Variants in STEAP3 observed in about 807,000 individuals in gnomAD.
STEAP3 encodes metalloreductase STEAP3.
A neutral mutation model predicts 34.9 loss-of-function variants in STEAP3; 35 were observed. The observed-to-expected ratio is 1.00, with a 90% CI of 0.76 to 1.33. The LOEUF is 1.33. STEAP3 is among the 40% of genes most tolerant of loss of function. The pLI is 0.00. For synonymous variants in STEAP3, 281 were observed against 301.6 expected, an observed-to-expected ratio of 0.93 and a Z score of 0.71; for missense variants, 652 against 667.6, an observed-to-expected ratio of 0.98 and a Z score of 0.26.
Position 119,263,509 on chromosome 2 carries a change from A to G in STEAP3, c.*171A>G. 1.2e-6 allele frequency: 1 copy of G among 805,094 alleles called. No homozygotes were observed. Among genetic ancestry groups the G allele is most frequent in the Admixed American group, 2.2e-5 (1 of 45,970 alleles). The allele number at this position is 805,094 out of a possible 1,614,324, so 49.9% of individuals were successfully genotyped here. A position where few individuals can be genotyped will look rare whatever the true frequency, so the allele number is the denominator to read the frequency against. Reference sequence around the variant, plus strand: ...CAGTACTATTCAGAATGATATACACACATATGTGTATATGTATTTACATAT... The same window carrying G: ...CAGTACTATTCAGAATGATATACACGCATATGTGTATATGTATTTACATAT... On this transcript the variant is annotated 3_prime_UTR_variant, in exon 6 of 6. Coordinates refer to ENST00000393110, the MANE Select transcript of STEAP3 (RefSeq NM_182915.3).
chr2:119,228,317 G>T (rs537077800), intron 1 of STEAP3, among the ~76,000 whole-genome samples: 1 of 152,178 alleles, frequency 6.6e-6, no homozygotes, highest in Non-Finnish European at 1.5e-5. Context: ...CTCCAGGTGA[G>T]GTCTGGCCTG....
At position 119,245,964 on chromosome 2, in the gene STEAP3, T is replaced by A. The variant is rs1483158602; in HGVS notation, c.498T>A (p.Ala166=). The A allele has an allele frequency of 6.2e-7, 1 of 1,613,280 alleles. No homozygotes were observed. The highest frequency in any genetic ancestry group is 8.5e-7 in the Non-Finnish European group (1 of 1,179,804). The change falls in exon 3 of 6, where the codon GCT becomes GCA. Residue 166 remains alanine (A), a synonymous_variant. Coordinates refer to ENST00000393110, the MANE Select transcript of STEAP3 (RefSeq NM_182915.3). Reference sequence around the variant, plus strand: ...TCATCTCTGCCTGGACCCTGCAGGCTGGCCCAAGGGATGGTAACAGGCAGG... The same window carrying A: ...TCATCTCTGCCTGGACCCTGCAGGCAGGCCCAAGGGATGGTAACAGGCAGG... ...FNVISAWTLQ[A]GPRDGNRQVP... is the part of the protein sequence containing the mutation.
chr2:119,259,520 T>C (rs1573582503), intron 5 of STEAP3, among the ~76,000 whole-genome samples: 1 of 152,238 alleles, frequency 6.6e-6, no homozygotes, highest in Non-Finnish European at 1.5e-5. Flanking sequence ...TCCTGCTGTC[T>C]GCACCATGGG....
At chr2:119,248,908 C>G (rs1051951863) in intron 4 of STEAP3, 2 of 152,788 alleles carry the variant, frequency 1.3e-5, no homozygotes, top group Non-Finnish European at 2.9e-5. Context: ...GCGAGGAAGC[C>G]GTGCATATGC....
At chr2:119,258,206 C>T (rs897639927) in intron 5 of STEAP3, among the ~76,000 whole-genome samples, 2 of 152,136 alleles carry the variant, frequency 1.3e-5, no homozygotes, top group Non-Finnish European at 2.9e-5. Context: ...TGTTTTTTAA[C>T]ATGCGAATGC....
Position 119,248,062 on chromosome 2 carries a change from C to T in STEAP3, c.906C>T (p.Pro302=), listed in dbSNP as rs368298756. The change falls in exon 4 of 6, where the codon CCC becomes CCT. Residue 302 remains proline (P), a synonymous_variant. Coordinates refer to ENST00000393110, the MANE Select transcript of STEAP3 (RefSeq NM_182915.3). ...LRRGTKYQRF[P]DWLDHWLQHR... ...GCGGCACCAAGTACCAGCGCTTCCC[C>T]GACTGGCTGGACCACTGGCTACAGC... 30 of 1,608,614 alleles carry T rather than the reference C, an allele frequency of 1.9e-5. No homozygotes were observed. Among genetic ancestry groups the T allele is most frequent in the Middle Eastern group, 1.6e-4 (1 of 6,084 alleles).
intron 4 of STEAP3, among the ~76,000 whole-genome samples, chr2:119,251,836 A>C (rs755315536): frequency 6.6e-6 from 1 of 151,988 alleles, no homozygotes; most frequent in Non-Finnish European, 1.5e-5. Context: ...GCAAACTCCT[A>C]TTCCTCCTTC....
At chr2:119,246,065 TC>T (rs2104820630) in intron 3 of STEAP3, 77 bp downstream of exon 3, 3 of 1,518,354 alleles carry the variant, frequency 2.0e-6, no homozygotes, top group Middle Eastern at 1.8e-4. Context: ...GCCAGCATGC[TC>T]TTTTTGATAT....
At chr2:119,248,380 T>C (rs1677518071) in intron 4 of STEAP3, 174 bp downstream of exon 4, 2 of 730,616 alleles carry the variant, frequency 2.7e-6, no homozygotes, top group Non-Finnish European at 4.4e-6. Flanking sequence ...AGATTTTGAG[T>C]ATCAGTGAAC....
At chr2:119,240,868 C>A (rs1318200089) in intron 2 of STEAP3, among the ~76,000 whole-genome samples, 4 of 152,162 alleles carry the variant, frequency 2.6e-5, no homozygotes, top group Non-Finnish European at 5.9e-5. Flanking sequence ...GTCACACCCT[C>A]ACCTCAGGCC....
intron 4 of STEAP3, among the ~76,000 whole-genome samples, chr2:119,250,211 C>T (rs1677580324): frequency 6.6e-6 from 1 of 152,222 alleles, no homozygotes; most frequent in African/African-American, 2.4e-5. Context: ...CACTCATTCA[C>T]TGAGCACCTA....
At chr2:119,235,858 G>A (rs575849553) in intron 2 of STEAP3, among the ~76,000 whole-genome samples, 1 of 152,264 alleles carries the variant, frequency 6.6e-6, no homozygotes, top group Admixed American at 6.5e-5. Context: ...CCAGATGTTG[G>A]GACCAGCATC....
intron 4 of STEAP3, among the ~76,000 whole-genome samples, chr2:119,251,091 T>C (rs977113953): frequency 5.3e-5 from 8 of 152,148 alleles, no homozygotes; most frequent in Non-Finnish European, 8.8e-5. Flanking sequence ...TGGTCCATGG[T>C]AAGCCATGCC....
At position 119,240,321 on chromosome 2, in the gene STEAP3, G is replaced by T. The variant is rs1047066621; in HGVS notation, c.23-5168G>T. Reference sequence around the variant, plus strand: ...CTTTGCTCAGTCAGTCCCCACATGGGAGGCGTGCGAGGCACCCCGTTCTTG... The same window carrying T: ...CTTTGCTCAGTCAGTCCCCACATGGTAGGCGTGCGAGGCACCCCGTTCTTG... On this transcript the variant is annotated intron_variant, in intron 2 of 5. Coordinates refer to ENST00000393110, the MANE Select transcript of STEAP3 (RefSeq NM_182915.3). 3.9e-5 allele frequency among the ~76,000 whole-genome samples: 6 copies of T among 152,366 alleles called. No individual in the cohort carries two copies. In the East Asian group the frequency reaches 1.2e-3, roughly 29 times the overall value.
In STEAP3 at chr2:119,247,875, A is replaced by ACTTCGTCC. The variant is rs1558751920; in HGVS notation, c.720_727dup (p.Arg243ProfsTer147). On this transcript the variant is annotated frameshift_variant, in exon 4 of 6. Transcript: ENST00000393110. LOFTEE classifies it high-confidence loss of function. ...CTCTTCGTCTGCTTCTATGCCTACAACTTCGTCCGGGACGTTCTGCAGCCC... is the reference window on the plus strand; with the variant it reads ...CTCTTCGTCTGCTTCTATGCCTACAACTTCGTCCCTTCGTCCGGGACGTTCTGCAGCCC... The ACTTCGTCC allele has an allele frequency of 6.2e-7, 1 of 1,613,622 alleles. No individual in the cohort carries two copies. The highest frequency in any genetic ancestry group is 8.5e-7 in the Non-Finnish European group (1 of 1,179,974).
intron 2 of STEAP3, among the ~76,000 whole-genome samples, chr2:119,238,704 AAGAGGC>A (rs1289628672): frequency 6.6e-6 from 1 of 152,136 alleles, no homozygotes; most frequent in African/African-American, 2.4e-5. Context: ...AGGATGAGAG[AAGAGGC>A]AGAGCTTACA....
intron 4 of STEAP3, among the ~76,000 whole-genome samples, chr2:119,254,445 T>C (rs904498777): frequency 1.3e-5 from 2 of 152,102 alleles, no homozygotes; most frequent in South Asian, 2.1e-4. Context: ...GGGAAAGTGA[T>C]TTGATCTTTG....
Position 119,245,909 on chromosome 2 carries a change from C to T in STEAP3, c.443C>T (p.Pro148Leu). The change falls in exon 3 of 6, where the codon CCC (proline) becomes CTC (leucine). Residue 148 changes from proline (P) to leucine (L), a missense_variant. By Grantham distance (98) the Pro-to-Leu change is moderately conservative (BLOSUM62 -3). Transcript: ENST00000393110. ...SNAEYLASLF[P>L]TCTVVKAFNV... is the part of the protein sequence containing the mutation. ...GCTGAGTACCTGGCCTCCCTCTTCC[C>T]CACTTGCACAGTGGTCAAGGCCTTC... The T allele has an allele frequency of 6.2e-7, 1 of 1,613,972 alleles. No individual in the cohort carries two copies.
chr2:119,240,159 G>A (rs1415789427), intron 2 of STEAP3, among the ~76,000 whole-genome samples: 13 of 152,284 alleles, frequency 8.5e-5, no homozygotes, highest in African/African-American at 1.7e-4. Flanking sequence ...AGTCGAGATC[G>A]CGCCACTGCA....
Sources: allele counts gnomAD v4.1 joint callset (sites outside exome capture counted in the v4.1 genomes callset), GRCh38; gene constraint gnomAD v4.1.1; transcripts MANE v1.5; gene names NCBI Gene and HGNC (gene_info 2026-07-23, HGNC 2026-07-21).